COL4A2: variants seen among roughly 807,000 people sequenced by gnomAD.
The protein encoded by COL4A2 is collagen type IV alpha 2 chain.
A neutral mutation model predicts 200.2 loss-of-function variants in COL4A2; 99 were observed. The ratio of observed to expected loss-of-function variants is 0.49; its 90% CI spans 0.42 to 0.58. COL4A2 has a LOEUF of 0.58. Ranked by LOEUF, COL4A2 falls within the 20% of genes least tolerant of loss-of-function variation. COL4A2 has a pLI of 0.00. For missense variants in COL4A2, 1,950 were observed against 2,314.1 expected, an observed-to-expected ratio of 0.84 and a Z score of 3.23; for synonymous variants, 897 against 900.6, an observed-to-expected ratio of 1.00 and a Z score of 0.07.
At position 110,450,323 on chromosome 13, in the gene COL4A2, C is replaced by T. The variant is rs772448912; in HGVS notation, c.1208C>T (p.Pro403Leu). The change falls in exon 20 of 48, where the codon CCG becomes CTG. Residue 403 changes from proline (P) to leucine (L), a missense_variant. This residue lies in a region of COL4A2 where 565 missense variants were observed against 593.5 expected (regional missense o/e 0.95). Coordinates refer to ENST00000360467, the MANE Select transcript of COL4A2 (RefSeq NM_001846.4). ...IGDGDQRRGL[P>L]GEMGPKGFIG... ...GTTTCAGATCAGAGGAGAGGCCTGC[C>T]GGGTGAGATGGGACCCAAGGGCTTC... The T allele has an allele frequency of 2.4e-5, 38 of 1,613,656 alleles. No homozygotes were observed. The highest frequency in any genetic ancestry group is 1.7e-4 in the Middle Eastern group (1 of 6,034).
chr13:110,315,478 C>T (rs371578511), intron 3 of COL4A2, among the ~76,000 whole-genome samples: 7 of 152,216 alleles, frequency 4.6e-5, no homozygotes, highest in African/African-American at 1.7e-4. Flanking sequence ...TCCCTGCAAC[C>T]TCTGCCTCCT....
At chr13:110,317,635 T>C (rs1248023016) in intron 3 of COL4A2, among the ~76,000 whole-genome samples, 2 of 152,032 alleles carry the variant, frequency 1.3e-5, no homozygotes, top group East Asian at 3.9e-4. Flanking sequence ...AAGAAATACA[T>C]GAGAATGGGC....
intron 19 of COL4A2, 97 bp downstream of exon 19, chr13:110,449,886 T>G: frequency 2.2e-6 from 3 of 1,341,830 alleles, no homozygotes; most frequent in Non-Finnish European, 3.0e-6. Flanking sequence ...CGTAGCTATG[T>G]CGTTGTTACT....
intron 4 of COL4A2, among the ~76,000 whole-genome samples, chr13:110,368,252 C>T (rs1338706071): frequency 6.6e-6 from 1 of 152,056 alleles, no homozygotes; most frequent in Non-Finnish European, 1.5e-5. Context: ...GACAAAAAGG[C>T]GTAGGTTTAT....
chr13:110,492,306 G>C, intron 38 of COL4A2, 129 bp downstream of exon 38: 1 of 746,712 alleles, frequency 1.3e-6, no homozygotes, highest in South Asian at 1.7e-5. Context: ...CAGGTCTGCT[G>C]TGGCTTACGG....
intron 33 of COL4A2, among the ~76,000 whole-genome samples, chr13:110,485,383 C>T (rs1054645794): frequency 6.6e-6 from 1 of 152,010 alleles, no homozygotes; most frequent in African/African-American, 2.4e-5. Flanking sequence ...AATTAGCCGG[C>T]ATGGTGGTGG....
chr13:110,490,083 G>A (rs1386445457), intron 36 of COL4A2, among the ~76,000 whole-genome samples: 1 of 152,208 alleles, frequency 6.6e-6, no homozygotes, highest in African/African-American at 2.4e-5. Context: ...TGAAAAGCCA[G>A]CTAGCACCCT....
At chr13:110,377,291 A>T (rs1878277133) in intron 4 of COL4A2, among the ~76,000 whole-genome samples, 1 of 152,126 alleles carries the variant, frequency 6.6e-6, no homozygotes, top group South Asian at 2.1e-4. Context: ...AGAGTGCTTT[A>T]ATCCAGATGC....
At chr13:110,449,319 G>A (rs370295796) in intron 18 of COL4A2, among the ~76,000 whole-genome samples, 10 of 136,938 alleles carry the variant, frequency 7.3e-5, no homozygotes, top group African/African-American at 2.0e-4. Flanking sequence ...CCAGCAGACA[G>A]GGATGAGAAG....
chr13:110,507,315 AAAGGCCGCC>A (rs1883920259), intron 46 of COL4A2: 1 of 153,128 alleles, frequency 6.5e-6, no homozygotes, highest in Admixed American at 6.5e-5. Context: ...ACAACGGGGC[AAAGGCCGCC>A]AAGGATAAGG....
At chr13:110,311,153 C>T (rs1239661558) in intron 3 of COL4A2, among the ~76,000 whole-genome samples, 1 of 152,118 alleles carries the variant, frequency 6.6e-6, no homozygotes, top group East Asian at 1.9e-4. Flanking sequence ...CTGCTTCTCC[C>T]ACTGTGAGGA....
chr13:110,505,115 C>T (rs1028926221), intron 45 of COL4A2, among the ~76,000 whole-genome samples: 7 of 151,820 alleles, frequency 4.6e-5, no homozygotes, highest in East Asian at 1.9e-4. Context: ...CTTTGGGAGG[C>T]TGAGGTGGGC....
chr13:110,419,605 G>A (rs1261350508), intron 4 of COL4A2, among the ~76,000 whole-genome samples: 1 of 152,144 alleles, frequency 6.6e-6, no homozygotes, highest in East Asian at 1.9e-4. Flanking sequence ...GGGAGTGTCG[G>A]GACCCTGAGC....
chr13:110,433,726 C>T (rs190922039), intron 11 of COL4A2, among the ~76,000 whole-genome samples: 5 of 152,164 alleles, frequency 3.3e-5, no homozygotes, highest in African/African-American at 9.7e-5. Context: ...GGACAGTGCC[C>T]GTGATGTGCA....
At chr13:110,366,066 G>T (rs1402870131) in intron 4 of COL4A2, among the ~76,000 whole-genome samples, 2 of 152,134 alleles carry the variant, frequency 1.3e-5, no homozygotes, top group South Asian at 4.2e-4. Context: ...CCTTTTTTCC[G>T]ACCTCCTGAT....
chr13:110,479,746 C>G (rs944757241), intron 30 of COL4A2, among the ~76,000 whole-genome samples: 1 of 152,110 alleles, frequency 6.6e-6, no homozygotes, highest in Non-Finnish European at 1.5e-5. Context: ...GCCAAGCTCA[C>G]GACAGTAGCA....
rs770333998 is a variant in COL4A2 at position 110,489,474 on chromosome 13, C to A, written c.3237C>A (p.Gly1079=). 1.2e-6 allele frequency: 2 copies of A among 1,614,126 alleles called. No individual in the cohort carries two copies. Among genetic ancestry groups the A allele is most frequent in the Admixed American group, 3.3e-5 (2 of 60,020 alleles). Residue 1079 remains glycine (G), a synonymous_variant, in exon 35 of 48, where the codon GGC becomes GGA. Transcript: ENST00000360467. ...RGDKGAPGRA[G]LYGEIGATGD... ...ACAAAGGTGCCCCAGGGAGAGCAGG[C>A]CTGTATGGCGAGATTGGCGCGACTG...
At chr13:110,464,074 C>T (rs899794484) in intron 24 of COL4A2, among the ~76,000 whole-genome samples, 4 of 151,978 alleles carry the variant, frequency 2.6e-5, no homozygotes, top group African/African-American at 9.7e-5. Context: ...GTGTGGTGTG[C>T]TCATGTGTGT....
At chr13:110,335,222 T>C (rs1421929048) in intron 3 of COL4A2, among the ~76,000 whole-genome samples, 1 of 152,134 alleles carries the variant, frequency 6.6e-6, no homozygotes, top group Non-Finnish European at 1.5e-5. Flanking sequence ...CACAGGCGAC[T>C]CCTGAGTTCT....
Sources: allele counts gnomAD v4.1 joint callset (sites outside exome capture counted in the v4.1 genomes callset), GRCh38; gene constraint gnomAD v4.1.1; regional missense constraint gnomAD v4.1.1; transcripts MANE v1.5; gene names NCBI Gene and HGNC (gene_info 2026-07-23, HGNC 2026-07-21).